The following LHPP variants were observed in gnomAD, a reference collection of about 807,000 sequenced individuals.
LHPP encodes the protein phospholysine phosphohistidine inorganic pyrophosphate phosphatase.
LHPP carries 24 observed loss-of-function variants against 30.3 expected under a neutral mutation model. The observed-to-expected ratio is 0.79, with a 90% CI of 0.57 to 1.11. LHPP has a LOEUF of 1.11. Among genes scored for constraint, LHPP ranks in the 50% most tolerant of loss-of-function variants. LHPP has a pLI of 0.00. For synonymous variants in LHPP, 150 were observed against 157.1 expected (o/e 0.95, Z 0.34); for missense variants, 356 against 367.2 (o/e 0.97, Z 0.25).
intron 5 of LHPP, among the ~76,000 whole-genome samples, chr10:124,506,483 A>G (rs1409802835): frequency 6.6e-6 from 1 of 151,690 alleles, no homozygotes; most frequent in East Asian, 2.0e-4. Context: ...AGCGGTATTA[A>G]GAGAACGGTT....
chr10:124,533,971 G>A (rs1006274313), intron 6 of LHPP, among the ~76,000 whole-genome samples: 18 of 146,796 alleles, frequency 1.2e-4, no homozygotes, highest in African/African-American at 4.5e-4. Flanking sequence ...GGTTGGCAGG[G>A]ACCACATCTG....
At chr10:124,563,379 T>C (rs1948435082) in intron 6 of LHPP, among the ~76,000 whole-genome samples, 1 of 148,802 alleles carries the variant, frequency 6.7e-6, no homozygotes, top group African/African-American at 2.5e-5. Flanking sequence ...ATACTCACAA[T>C]GACTTGGATG....
intron 5 of LHPP, chr10:124,498,883 T>A (rs193238457): frequency 0.037 from 4,273 of 114,216 alleles, 212 homozygotes; most frequent in African/African-American, 0.13. Flanking sequence ...CCTGGCAAAC[T>A]TTTTTTTTTT....
intron 5 of LHPP, among the ~76,000 whole-genome samples, chr10:124,509,807 C>G (rs1399756728): frequency 6.6e-6 from 1 of 152,088 alleles, no homozygotes; most frequent in Non-Finnish European, 1.5e-5. Flanking sequence ...CCTTCACCAC[C>G]CAGCCCTGCT....
rs111273740 is a variant in LHPP, at chr10:124,547,523, C to T, written c.716+30252C>T. 5.8e-3 allele frequency among the ~76,000 whole-genome samples: 888 copies of T among 152,352 alleles called. 12 individuals are homozygous for T. The highest frequency in any genetic ancestry group is 0.019 in the African/African-American group (796 of 41,588). On this transcript the variant is annotated intron_variant, in intron 6 of 6. Coordinates refer to ENST00000368842, the MANE Select transcript of LHPP (RefSeq NM_022126.4). ...GCAAATAGGGTGAGCTTCTGTCTCC[C>T]GTCTCTTGGGTGTCTTTTCCACCTG...
chr10:124,550,570 G>A (rs1694601366), intron 6 of LHPP, among the ~76,000 whole-genome samples: 1 of 152,218 alleles, frequency 6.6e-6, no homozygotes, highest in African/African-American at 2.4e-5. Flanking sequence ...GCCCCAGAGG[G>A]GCAGAGGCGC....
chr10:124,577,668 GCACACATACATGCACACATGTGTAAA>G (rs1948681330), intron 6 of LHPP, among the ~76,000 whole-genome samples: 1 of 97,200 alleles, frequency 1.0e-5, no homozygotes, highest in African/African-American at 3.0e-5. Flanking sequence ...ACACATGTGT[GCACACATACATGCACACATGTGTAAA>G]TACACATGCA....
At chr10:124,597,576 C>T (rs1220597331) in intron 6 of LHPP, among the ~76,000 whole-genome samples, 1 of 152,264 alleles carries the variant, frequency 6.6e-6, no homozygotes, top group African/African-American at 2.4e-5. Flanking sequence ...ACCCAGAGCA[C>T]TGTGGGAGGA....
At chr10:124,547,033 G>GCA (rs1415928301) in intron 6 of LHPP, among the ~76,000 whole-genome samples, 14 of 1,208 alleles carry the variant, frequency 0.012, no homozygotes, top group Admixed American at 0.054. Context: ...ACACACACAC[G>GCA]CACACGCGCG....
intron 6 of LHPP, among the ~76,000 whole-genome samples, chr10:124,574,232 A>G (rs915085560): frequency 6.6e-6 from 1 of 152,240 alleles, no homozygotes; most frequent in African/African-American, 2.4e-5. Context: ...TATGGATCTC[A>G]GCGCGCAGCC....
At chr10:124,599,073 A>C (rs1589707893) in intron 6 of LHPP, among the ~76,000 whole-genome samples, 1 of 148,780 alleles carries the variant, frequency 6.7e-6, no homozygotes, top group Non-Finnish European at 1.5e-5. Context: ...CCACTCATCC[A>C]CCCTGATGCA....
At chr10:124,518,015 G>A (rs1954503186) in intron 6 of LHPP, among the ~76,000 whole-genome samples, 1 of 152,212 alleles carries the variant, frequency 6.6e-6, no homozygotes, top group Non-Finnish European at 1.5e-5. Context: ...GAGGTACTTG[G>A]ATTTGGGGTG....
rs572762973 is a variant in LHPP at position 124,462,098 on chromosome 10, G to T, written c.125+111G>T. 3.9e-6 allele frequency: 4 copies of T among 1,013,256 alleles called. No homozygotes were observed. The African/African-American group carries it at 6.8e-5, about 17-fold the overall frequency. The allele number at this position is 1,013,256 out of a possible 1,614,324, so 62.8% of individuals were successfully genotyped here. A position where few individuals can be genotyped will look rare whatever the true frequency, so the allele number is the denominator to read the frequency against. ...GGGGCGGGGCCGCGGCGCAGGCCCC[G>T]CCTCGGTCTCCCCCTTCCCACCCCG... On this transcript the variant is annotated intron_variant, in intron 1 of 6. Coordinates refer to ENST00000368842, the MANE Select transcript of LHPP (RefSeq NM_022126.4).
chr10:124,565,398 T>A (rs1589869429), intron 6 of LHPP, among the ~76,000 whole-genome samples: 1 of 152,238 alleles, frequency 6.6e-6, no homozygotes, highest in South Asian at 2.1e-4. Flanking sequence ...CAGGCCATAG[T>A]CCCCAAGAAT....
chr10:124,488,081 G>A (rs1228310600), intron 2 of LHPP, among the ~76,000 whole-genome samples: 3 of 152,172 alleles, frequency 2.0e-5, no homozygotes, highest in Non-Finnish European at 4.4e-5. Flanking sequence ...CAGGCTCTCA[G>A]TGTCTTCTGA....
At chr10:124,498,309 AAT>A (rs1953791438) in intron 5 of LHPP, 181 bp downstream of exon 5, 1 of 1,578,852 alleles carries the variant, frequency 6.3e-7, no homozygotes, top group Non-Finnish European at 8.6e-7. Context: ...AAATCCACTG[AAT>A]AGTTTCAACC....
chr10:124,578,657 G>T (rs973003620), intron 6 of LHPP, among the ~76,000 whole-genome samples: 10 of 152,216 alleles, frequency 6.6e-5, no homozygotes, highest in Admixed American at 3.3e-4. Context: ...GTGCTGTGGT[G>T]GCACAGAGCT....
chr10:124,510,687 G>A lies in LHPP; in HGVS notation c.625-6493G>A, dbSNP rs912864715. Among the ~76,000 whole-genome samples the A allele has an allele frequency of 9.2e-5, 14 of 152,368 alleles. No homozygotes were observed. Among genetic ancestry groups the A allele is most frequent in the African/African-American group, 3.4e-4 (14 of 41,580 alleles). ...TCATTTTCCCCGGAAGCATGGAGGT[G>A]TAGGATGACATGTAATATTTGGAAG... On this transcript the variant is annotated intron_variant, in intron 5 of 6. Transcript: ENST00000368842. The surrounding 1 kb of genome is among the most constrained non-coding windows in gnomAD (Gnocchi z 4.0).
intron 5 of LHPP, among the ~76,000 whole-genome samples, chr10:124,513,975 G>A (rs17151953): frequency 0.061 from 9,230 of 152,206 alleles, 427 homozygotes; most frequent in East Asian, 0.19. Context: ...ACAGCCAGCC[G>A]TGCCGTAATG....
Sources: gnomAD v4.1 joint callset for allele counts (sites outside exome capture counted in the v4.1 genomes callset) on GRCh38, gnomAD v4.1.1 for gene constraint, Gnocchi (gnomAD v3.1) non-coding constraint, MANE v1.5 for transcripts, NCBI Gene and HGNC (gene_info 2026-07-23, HGNC 2026-07-21) for gene names.